The following HERC6 variants were observed in gnomAD, a reference collection of about 807,000 sequenced individuals.
HERC6 encodes HECT and RLD domain containing E3 ubiquitin protein ligase family member 6.
Under a neutral mutation model 114.5 loss-of-function variants are expected in HERC6, and 101 were observed. The observed-to-expected ratio is 0.88, with a 90% CI of 0.75 to 1.04. The LOEUF (loss-of-function observed/expected upper bound fraction) is 1.04. HERC6 is among the 50% of genes least tolerant of loss of function. The pLI is 0.00. For missense variants in HERC6, 1,133 were observed against 1,230.9 expected, an observed-to-expected ratio of 0.92 and a Z score of 1.19; for synonymous variants, 408 against 436.2, an observed-to-expected ratio of 0.94 and a Z score of 0.81.
At chr4:88,379,221 C>T (rs571506853) in intron 1 of HERC6, 101 bp downstream of exon 1, 4 of 988,646 alleles carry the variant, frequency 4.0e-6, no homozygotes, top group Admixed American at 6.1e-5. Flanking sequence ...CGCTGGGACC[C>T]GGGTGAGGGG....
At position 88,387,963 on chromosome 4, in the gene HERC6, T is replaced by C. The variant is rs1286572251; in HGVS notation, c.436+2388T>C. Reference sequence around the variant, plus strand: ...TGCTATGGTGAAAGGTGAGTTCTCATAGACCTTCGTGAGAGTTTAACGTTT... The same window carrying C: ...TGCTATGGTGAAAGGTGAGTTCTCACAGACCTTCGTGAGAGTTTAACGTTT... On this transcript the variant is annotated intron_variant, in intron 3 of 22. Coordinates refer to ENST00000264346, the MANE Select transcript of HERC6 (RefSeq NM_017912.4). Among the ~76,000 whole-genome samples, 5 of 152,364 alleles carry C rather than the reference T, an allele frequency of 3.3e-5. No individual in the cohort carries two copies. The East Asian group carries it at 5.8e-4, about 18-fold the overall frequency.
intron 8 of HERC6, among the ~76,000 whole-genome samples, chr4:88,404,346 C>T (rs1735702963): frequency 6.6e-6 from 1 of 152,008 alleles, no homozygotes; most frequent in Non-Finnish European, 1.5e-5. Flanking sequence ...CACCACCATG[C>T]CCGGCTAATT....
intron 5 of HERC6, among the ~76,000 whole-genome samples, chr4:88,394,528 A>AATTATT (rs200735450): frequency 0.03 from 4,269 of 142,266 alleles, 76 homozygotes; most frequent in African/African-American, 0.033. Flanking sequence ...CCCTTTTAGC[A>AATTATT]ATTATTATTA....
intron 4 of HERC6, among the ~76,000 whole-genome samples, chr4:88,392,466 A>C (rs28548153): frequency 1.3e-5 from 2 of 152,070 alleles, no homozygotes; most frequent in Non-Finnish European, 2.9e-5. Flanking sequence ...CTGGGATTAC[A>C]GGTGTGAGAC....
At chr4:88,428,447 T>C in intron 15 of HERC6, 133 bp from the exon 16 acceptor site, 1 of 619,776 alleles carries the variant, frequency 1.6e-6, no homozygotes, top group Non-Finnish European at 2.6e-6. Context: ...CTTAAATAAT[T>C]ACAATGTGAA....
At chr4:88,432,897 G>A (rs577577292) in intron 17 of HERC6, among the ~76,000 whole-genome samples, 52 of 151,766 alleles carry the variant, frequency 3.4e-4, no homozygotes, top group African/African-American at 1.2e-3. Flanking sequence ...GACCATCCTG[G>A]CTAGCATGGT....
intron 18 of HERC6, 65 bp from the exon 19 acceptor site, chr4:88,436,840 G>A: frequency 1.8e-6 from 2 of 1,139,870 alleles, no homozygotes; most frequent in South Asian, 1.5e-5. Flanking sequence ...TTTTTCCATT[G>A]AAAATTACTT....
At chr4:88,440,971 T>C (rs1328093776) in intron 22 of HERC6, among the ~76,000 whole-genome samples, 1 of 152,182 alleles carries the variant, frequency 6.6e-6, no homozygotes, top group Non-Finnish European at 1.5e-5. Context: ...GTCACATGTG[T>C]TAGTGGCAGA....
intron 17 of HERC6, 24 bp downstream of exon 17, chr4:88,431,329 T>TC (rs773312450): frequency 9.1e-5 from 142 of 1,564,868 alleles, no homozygotes; most frequent in Non-Finnish European, 8.4e-5. Flanking sequence ...TTTTTTTTTT[T>TC]CCCCCAGAAC....
At chr4:88,437,084 T>A (rs1738835594) in intron 19 of HERC6, 113 bp downstream of exon 19, 2 of 672,968 alleles carry the variant, frequency 3.0e-6, no homozygotes, top group South Asian at 4.8e-5. Flanking sequence ...TGAGGCAGAG[T>A]CTCACTCTGT....
chr4:88,379,630 A>ATG (rs1427085902), intron 1 of HERC6, among the ~76,000 whole-genome samples: 1 of 128,948 alleles, frequency 7.8e-6, no homozygotes, highest in African/African-American at 3.0e-5. Context: ...AAAAATATAT[A>ATG]TATATAAAAA....
At position 88,382,673 on chromosome 4, in the gene HERC6, A is replaced by G. The variant is rs28368727; in HGVS notation, c.200-548A>G. On this transcript the variant is annotated intron_variant, in intron 1 of 22. Transcript: ENST00000264346. ...AGTCAATTTGAACATTCAGCAGTTC[A>G]TGAATTGAGCAGCACCAGACCTCAA... 4.1e-3 allele frequency among the ~76,000 whole-genome samples: 620 copies of G among 152,294 alleles called. 4 individuals are homozygous for G. The highest frequency in any genetic ancestry group is 0.014 in the African/African-American group (574 of 41,562).
chr4:88,381,554 C>CTTTTTT (rs142058374), intron 1 of HERC6, among the ~76,000 whole-genome samples: 10 of 95,822 alleles, frequency 1.0e-4, no homozygotes, highest in Non-Finnish European at 1.4e-4. Context: ...CCCTTCTCTT[C>CTTTTTT]TTTTTTTTTT....
intron 5 of HERC6, among the ~76,000 whole-genome samples, chr4:88,394,211 A>C (rs1237973419): frequency 1.3e-5 from 2 of 152,158 alleles, no homozygotes; most frequent in African/African-American, 2.4e-5. Context: ...GTGGTGGCTC[A>C]TGCCTATAAT....
chr4:88,383,267 C>A lies in HERC6; in HGVS notation c.246C>A (p.Cys82Ter). 1 of 1,606,572 alleles carries A rather than the reference C, an allele frequency of 6.2e-7. No homozygotes were observed. Among genetic ancestry groups the A allele is most frequent in the Middle Eastern group, 1.7e-4 (1 of 6,050 alleles). The change falls in exon 2 of 23, where the codon TGC (cysteine) becomes TGA (stop). Residue 82 changes from cysteine to a stop codon, truncating the protein, a stop_gained. Coordinates refer to ENST00000264346, the MANE Select transcript of HERC6 (RefSeq NM_017912.4). LOFTEE classifies it high-confidence loss of function. The stretch of plus-strand genomic sequence containing the variant: ...CCCTAATTGTTGATCTCGTGAGCTG[C>A]GGGAAGGAGCACTCCCTGGCTGTGT... Reference protein sequence around the residue: ...LETLIVDLVSCGKEHSLAVCH... With the variant: ...LETLIVDLVS
chr4:88,422,553 G>A (rs1737171039), intron 13 of HERC6, among the ~76,000 whole-genome samples: 1 of 151,986 alleles, frequency 6.6e-6, no homozygotes, highest in African/African-American at 2.4e-5. Context: ...ATACACAGAT[G>A]GGTTTTCAGC....
chr4:88,388,266 A>G (rs766734579), intron 3 of HERC6, among the ~76,000 whole-genome samples: 2 of 152,010 alleles, frequency 1.3e-5, no homozygotes, highest in Non-Finnish European at 2.9e-5. Flanking sequence ...TACTAAAAAT[A>G]TAGGCTGGGC....
intron 1 of HERC6, among the ~76,000 whole-genome samples, chr4:88,380,895 A>G (rs1049523973): frequency 3.9e-5 from 6 of 152,028 alleles, no homozygotes; most frequent in African/African-American, 1.4e-4. Flanking sequence ...TTTAATCTTT[A>G]TAAAAATCAT....
At position 88,408,603 on chromosome 4, in the gene HERC6, T is replaced by C; in HGVS notation, c.1354T>C (p.Trp452Arg). The change falls in exon 11 of 23, where the codon TGG becomes CGG. Residue 452 changes from tryptophan (W) to arginine (R), a missense_variant. By Grantham distance (101) the Trp-to-Arg change is moderately radical. This residue lies in a region of HERC6 where 735 missense variants were observed against 754.0 expected (regional missense o/e 0.97). Transcript: ENST00000264346. ...DTFKKLTKKE[W>R]ISSMITTCLE... ...CTTCAAGAAGTTAACAAAAAAGGAATGGATTTCTTCCATGGTAATAGCCAA... is the reference window on the plus strand; with the variant it reads ...CTTCAAGAAGTTAACAAAAAAGGAACGGATTTCTTCCATGGTAATAGCCAA... 1.1e-5 allele frequency: 17 copies of C among 1,579,446 alleles called. No homozygotes were observed. Among genetic ancestry groups the C allele is most frequent in the Non-Finnish European group, 1.5e-5 (17 of 1,159,312 alleles).
Sources: allele counts gnomAD v4.1 joint callset (sites outside exome capture counted in the v4.1 genomes callset), GRCh38; gene constraint gnomAD v4.1.1; regional missense constraint gnomAD v4.1.1; transcripts MANE v1.5; gene names NCBI Gene and HGNC (gene_info 2026-07-23, HGNC 2026-07-21).